RIOK3: variants seen among roughly 807,000 people sequenced by gnomAD.
The protein encoded by RIOK3 is serine/threonine-protein kinase RIO3.
Under a neutral mutation model 63.5 loss-of-function variants are expected in RIOK3, and 40 were observed. That is an observed-to-expected ratio of 0.63 (90% CI 0.49 to 0.82). The LOEUF (loss-of-function observed/expected upper bound fraction) is 0.82. Among genes scored for constraint, RIOK3 ranks in the 40% least tolerant of loss-of-function variants. The pLI, the probability that RIOK3 is intolerant of heterozygous loss-of-function variation, is 0.00. For missense variants in RIOK3, 557 were observed against 637.0 expected, an observed-to-expected ratio of 0.87 and a Z score of 1.35; for synonymous variants, 193 against 205.0, an observed-to-expected ratio of 0.94 and a Z score of 0.50.
Position 23,464,307 on chromosome 18 carries a change from A to G in RIOK3, c.427A>G (p.Arg143Gly). 6.2e-7 allele frequency: 1 copy of G among 1,612,082 alleles called. No homozygotes were observed. The highest frequency in any genetic ancestry group is 8.5e-7 in the Non-Finnish European group (1 of 1,178,488). ...GCAGGATACTCGTGATGATCCCTAC[A>G]GACCAGGTACCAAAGTTTTTACTTT... Reference protein sequence around the residue: ...DWQDTRDDPYRPAKPVPTPKK... With the variant: ...DWQDTRDDPYGPAKPVPTPKK... The change falls in exon 4 of 13, where the codon AGA becomes GGA. Residue 143 changes from arginine (R) to glycine (G), a missense_variant. Physicochemically the swap from Arg to Gly is moderately radical, Grantham distance 125. Around this residue, in one of 3 missense-constraint regions of RIOK3, gnomAD observed 243 missense variants for 275.4 expected, o/e 0.88. Transcript: ENST00000339486.
intron 11 of RIOK3, 142 bp downstream of exon 11, chr18:23,477,410 G>A: frequency 1.5e-6 from 1 of 679,694 alleles, no homozygotes; most frequent in Non-Finnish European, 2.6e-6. Context: ...AGGATATAAA[G>A]ATCAATTTGT....
chr18:23,478,127 T>A, intron 11 of RIOK3, among the ~76,000 whole-genome samples: 1 of 151,830 alleles, frequency 6.6e-6, no homozygotes, highest in Admixed American at 6.6e-5. Flanking sequence ...GCTCCTTGTA[T>A]ATAAGCAGTC....
intron 8 of RIOK3, among the ~76,000 whole-genome samples, chr18:23,474,547 C>T (rs1182772984): frequency 3.3e-5 from 5 of 152,134 alleles, no homozygotes; most frequent in African/African-American, 9.7e-5. Flanking sequence ...CCCACATTGC[C>T]CTTCCTCCTA....
chr18:23,475,941 CTTTTTT>C (rs374984418), intron 9 of RIOK3, among the ~76,000 whole-genome samples: 7 of 80,022 alleles, frequency 8.7e-5, no homozygotes, highest in African/African-American at 1.9e-4. Context: ...TTTTTTGGGG[CTTTTTT>C]TTTTTTTTTT....
chr18:23,471,769 GT>G (rs2057457824), intron 7 of RIOK3, among the ~76,000 whole-genome samples: 1 of 152,112 alleles, frequency 6.6e-6, no homozygotes. Flanking sequence ...GCTGATGGTG[GT>G]ACCGTTTGAC....
At chr18:23,456,483 G>T (rs1002501296) in intron 1 of RIOK3, 2 of 151,910 alleles carry the variant, frequency 1.3e-5, no homozygotes, top group African/African-American at 4.8e-5. Context: ...AAAGTCATAT[G>T]TTAACATAAA....
chr18:23,476,763 T>A (rs2057493677), intron 9 of RIOK3, among the ~76,000 whole-genome samples: 1 of 151,874 alleles, frequency 6.6e-6, no homozygotes, highest in South Asian at 2.1e-4. Flanking sequence ...TTACAAAAAA[T>A]TAGCCAGGAG....
intron 12 of RIOK3, 143 bp from the exon 13 acceptor site, chr18:23,481,029 G>C (rs568647428): frequency 1.5e-5 from 9 of 589,448 alleles, no homozygotes; most frequent in Middle Eastern, 9.2e-4. Context: ...GCAGTGAGCC[G>C]AGATTGCACC....
chr18:23,468,293 C>CTTTTTT (rs1245472469), intron 7 of RIOK3, among the ~76,000 whole-genome samples: 8 of 46,476 alleles, frequency 1.7e-4, no homozygotes, highest in African/African-American at 5.2e-4. Flanking sequence ...CAATATACTC[C>CTTTTTT]TTTTTTTTTT....
chr18:23,477,220 C>T lies in RIOK3; in HGVS notation c.1296C>T (p.His432=). 1 of 1,614,198 alleles carries T rather than the reference C, an allele frequency of 6.2e-7. No homozygotes were observed. Among genetic ancestry groups the T allele is most frequent in the Non-Finnish European group, 8.5e-7 (1 of 1,180,020 alleles). The change falls in exon 11 of 13, where the codon CAC becomes CAT. Residue 432 remains histidine, a synonymous_variant. Coordinates refer to ENST00000339486, the MANE Select transcript of RIOK3 (RefSeq NM_003831.5). The stretch of plus-strand genomic sequence containing the variant: ...TCAGTCAGTCAGTAGAACCTACCCA[C>T]CCTCACGGCCTGGAGTTCTTGTTCC... ...IDVSQSVEPT[H]PHGLEFLFRD...
At chr18:23,459,541 AG>A (rs2057361117) in intron 1 of RIOK3, among the ~76,000 whole-genome samples, 1 of 152,254 alleles carries the variant, frequency 6.6e-6, no homozygotes, top group Admixed American at 6.5e-5. Context: ...CACAAAGGAA[AG>A]GGTCCAACTT....
chr18:23,467,512 T>C lies in RIOK3; in HGVS notation c.801T>C (p.His267=). ...ISTGKESVVF[H]AYGGSMEDEK... The stretch of plus-strand genomic sequence containing the variant: ...CAGGAAAGGAGTCTGTTGTCTTTCA[T>C]GCATATGGAGGGAGGTAAATGAGCA... The change falls in exon 7 of 13, where the codon CAT becomes CAC. Residue 267 remains histidine, a synonymous_variant. Transcript: ENST00000339486. 6.2e-7 allele frequency: 1 copy of C among 1,613,330 alleles called. No homozygotes were observed. The highest frequency in any genetic ancestry group is 8.5e-7 in the Non-Finnish European group (1 of 1,179,510).
At chr18:23,467,566 G>C in intron 7 of RIOK3, 40 bp downstream of exon 7, 1 of 1,585,632 alleles carries the variant, frequency 6.3e-7, no homozygotes, top group East Asian at 2.2e-5. Context: ...TGAAAACTTA[G>C]TCTCTTCTCC....
rs547894858 is a variant in RIOK3, at chr18:23,455,454, G to A, written c.63+1952G>A. Among the ~76,000 whole-genome samples the A allele has an allele frequency of 4.1e-5, 6 of 147,666 alleles. No individual in the cohort carries two copies. In the East Asian group the frequency reaches 1.0e-3, roughly 25 times the overall value. On this transcript the variant is annotated intron_variant, in intron 1 of 12. Coordinates refer to ENST00000339486, the MANE Select transcript of RIOK3 (RefSeq NM_003831.5). ...GTTGCCCAGGCTGTAGTGCAGTGGCGCGATCTCGGCTCACTGCAAGCTCCG... is the reference window on the plus strand; with the variant it reads ...GTTGCCCAGGCTGTAGTGCAGTGGCACGATCTCGGCTCACTGCAAGCTCCG...
Position 23,481,262 on chromosome 18 carries a change from C to G in RIOK3, c.1543C>G (p.Leu515Val), listed in dbSNP as rs193204666. The G allele has an allele frequency of 2.6e-5, 42 of 1,601,782 alleles. No homozygotes were observed. In the Admixed American group the frequency reaches 4.9e-4, roughly 19 times the overall value. Residue 515 changes from leucine to valine, a missense_variant, in exon 13 of 13, where the codon CTA becomes GTA. This residue lies in a region of RIOK3 where 309 missense variants were observed against 338.7 expected (regional missense o/e 0.91). Coordinates refer to ENST00000339486, the MANE Select transcript of RIOK3 (RefSeq NM_003831.5). Reference sequence around the variant, plus strand: ...TTTGAAAGATGATGGAGACCCACCACTACTATATGATGAATAGCACTAATA... The same window carrying G: ...TTTGAAAGATGATGGAGACCCACCAGTACTATATGATGAATAGCACTAATA... ...SFLKDDGDPPLLYDE is the reference protein window; with the variant it reads ...SFLKDDGDPPVLYDE
At chr18:23,458,200 C>T (rs985737008) in intron 1 of RIOK3, among the ~76,000 whole-genome samples, 16 of 151,908 alleles carry the variant, frequency 1.1e-4, no homozygotes, top group African/African-American at 3.9e-4. Context: ...CCACTGCCCC[C>T]GGCTGCTGTT....
chr18:23,459,905 A>T (rs1423590789), intron 1 of RIOK3, among the ~76,000 whole-genome samples: 1 of 152,084 alleles, frequency 6.6e-6, no homozygotes, highest in African/African-American at 2.4e-5. Context: ...TGTTGACCAG[A>T]CTGGTCTCGA....
At chr18:23,460,718 G>A (rs1267089258) in intron 1 of RIOK3, among the ~76,000 whole-genome samples, 3 of 152,122 alleles carry the variant, frequency 2.0e-5, no homozygotes, top group Non-Finnish European at 4.4e-5. Flanking sequence ...AACATTTCTA[G>A]GCTAAACAGC....
intron 7 of RIOK3, among the ~76,000 whole-genome samples, chr18:23,469,334 T>C (rs868110063): frequency 1.6e-4 from 2 of 12,434 alleles, no homozygotes; most frequent in Non-Finnish European, 2.8e-4. Context: ...TCTCTCTCTC[T>C]CTCCCCCTCT....
Sources: allele counts gnomAD v4.1 joint callset (sites outside exome capture counted in the v4.1 genomes callset), GRCh38; gene constraint gnomAD v4.1.1; regional missense constraint gnomAD v4.1.1; transcripts MANE v1.5; gene names NCBI Gene and HGNC (gene_info 2026-07-23, HGNC 2026-07-21).